TMC7: variants seen among roughly 807,000 people sequenced by gnomAD.
TMC7 encodes the protein transmembrane channel-like protein 7.
TMC7 carries 54 observed loss-of-function variants against 82.9 expected under a neutral mutation model. That is an observed-to-expected ratio of 0.65 (90% CI 0.52 to 0.82). TMC7 has a LOEUF of 0.82. Ranked by LOEUF, TMC7 falls within the 40% of genes least tolerant of loss-of-function variation. TMC7 has a pLI of 0.00. For missense variants in TMC7, 820 were observed against 901.2 expected (o/e 0.91, Z 1.15); for synonymous variants, 350 against 337.9 (o/e 1.04, Z -0.39).
intron 1 of TMC7, among the ~76,000 whole-genome samples, chr16:19,004,042 TAAAAA>T (rs35057088): frequency 1.2e-4 from 10 of 83,978 alleles, no homozygotes; most frequent in African/African-American, 4.3e-4. Flanking sequence ...AAAATAAATT[TAAAAA>T]AAAAAAAAAA....
chr16:19,057,958 T>C (rs1961843949), intron 14 of TMC7, among the ~76,000 whole-genome samples: 1 of 151,982 alleles, frequency 6.6e-6, no homozygotes, highest in African/African-American at 2.4e-5. Flanking sequence ...TTTTTTTTTT[T>C]TTTTAGGAGA....
At position 19,040,429 on chromosome 16, in the gene TMC7, C is replaced by T. The variant is rs751578885; in HGVS notation, c.1320C>T (p.Ile440=). 2 of 1,612,014 alleles carry T rather than the reference C, an allele frequency of 1.2e-6. No individual in the cohort carries two copies. The highest frequency in any genetic ancestry group is 2.2e-5 in the East Asian group (1 of 44,876). ...AGGATTATTCTCCAGGCTTTGAGAT[C>T]CGTCTGACAATCCTTAGGTAATGCC... ...RYEDYSPGFE[I]RLTILRCVFM... is the part of the protein sequence containing the mutation. The change falls in exon 9 of 16, where the codon ATC becomes ATT. Residue 440 remains isoleucine (I), a synonymous_variant. Coordinates refer to ENST00000304381, the MANE Select transcript of TMC7 (RefSeq NM_024847.4).
At chr16:18,987,777 G>A (rs1446827512) in intron 1 of TMC7, among the ~76,000 whole-genome samples, 2 of 152,104 alleles carry the variant, frequency 1.3e-5, no homozygotes, top group Non-Finnish European at 2.9e-5. Context: ...GTAACATAGT[G>A]GTTATAAAGC....
At chr16:19,005,877 G>T (rs145693767) in intron 1 of TMC7, among the ~76,000 whole-genome samples, 5 of 152,186 alleles carry the variant, frequency 3.3e-5, no homozygotes, top group Non-Finnish European at 5.9e-5. Context: ...AGGTAGAAGG[G>T]TGGGTGAGGC....
rs1181353217 is a variant in TMC7 at position 19,063,723 on chromosome 16, G to A, written c.*1880G>A. ...GATGAACACAACGAAAACGTACTGC[G>A]TTTTTTTTCCTATTATAAAAGTGAT... On this transcript the variant is annotated 3_prime_UTR_variant, in exon 16 of 16. Coordinates refer to ENST00000304381, the MANE Select transcript of TMC7 (RefSeq NM_024847.4). The A allele has an allele frequency of 1.3e-5, 2 of 150,966 alleles. No individual in the cohort carries two copies. Among genetic ancestry groups the A allele is most frequent in the Admixed American group, 6.6e-5 (1 of 15,066 alleles). The allele number at this position is 150,966 out of a possible 1,614,324, so 9.4% of individuals were successfully genotyped here. A position where few individuals can be genotyped will look rare whatever the true frequency, so the allele number is the denominator to read the frequency against.
At chr16:19,030,466 G>A in intron 6 of TMC7, 97 bp downstream of exon 6, 2 of 1,398,614 alleles carry the variant, frequency 1.4e-6, no homozygotes, top group East Asian at 2.4e-5. Context: ...AAGGATGAGT[G>A]GAGTCCAATG....
chr16:19,036,849 GAATCA>G (rs1960773315), intron 7 of TMC7, among the ~76,000 whole-genome samples: 1 of 152,140 alleles, frequency 6.6e-6, no homozygotes, highest in Non-Finnish European at 1.5e-5. Context: ...AAAATGGAAG[GAATCA>G]AATCAAATCT....
chr16:19,057,011 T>C (rs1961809001), intron 14 of TMC7, among the ~76,000 whole-genome samples: 1 of 152,008 alleles, frequency 6.6e-6, no homozygotes, highest in Non-Finnish European at 1.5e-5. Flanking sequence ...TGGTGGTGCA[T>C]GCCTGTAATG....
rs1959707929 is a variant in TMC7 at position 19,016,605 on chromosome 16, T to C, written c.460+7T>C. On this transcript the variant is annotated splice_region_variant and intron_variant, in intron 3 of 15. Transcript: ENST00000304381. ...GACATCCGCAGCATAGAAGGTATGCTGTCCTCACCTCTCTGCAGGCTCCTC... is the reference window on the plus strand; with the variant it reads ...GACATCCGCAGCATAGAAGGTATGCCGTCCTCACCTCTCTGCAGGCTCCTC... 10 of 1,612,682 alleles carry C rather than the reference T, an allele frequency of 6.2e-6. No individual in the cohort carries two copies. Among genetic ancestry groups the C allele is most frequent in the Non-Finnish European group, 8.5e-6 (10 of 1,179,754 alleles).
chr16:19,034,021 G>A (rs537112053), intron 6 of TMC7, among the ~76,000 whole-genome samples: 2 of 152,278 alleles, frequency 1.3e-5, no homozygotes, highest in South Asian at 2.1e-4. Flanking sequence ...TTTATACCAA[G>A]TGCCAGGTGT....
At chr16:19,016,625 C>T in intron 3 of TMC7, 27 bp downstream of exon 3, 1 of 1,607,944 alleles carries the variant, frequency 6.2e-7, no homozygotes, top group Non-Finnish European at 8.5e-7. Context: ...TCTCTGCAGG[C>T]TCCTCCGCAG....
At chr16:19,020,063 C>T (rs1310576722) in intron 3 of TMC7, among the ~76,000 whole-genome samples, 2 of 151,926 alleles carry the variant, frequency 1.3e-5, no homozygotes, top group African/African-American at 2.4e-5. Context: ...GCAAATCAAT[C>T]GATGTAATTC....
At chr16:19,001,633 T>C (rs2039142702) in intron 1 of TMC7, among the ~76,000 whole-genome samples, 1 of 152,070 alleles carries the variant, frequency 6.6e-6, no homozygotes, top group Admixed American at 6.6e-5. Context: ...CAGTGAGCTA[T>C]GATGGTACCA....
chr16:19,008,162 C>A (rs2039274326), intron 1 of TMC7, among the ~76,000 whole-genome samples: 1 of 152,144 alleles, frequency 6.6e-6, no homozygotes. Context: ...TGAGTCCTGT[C>A]TGTCTCCACT....
At chr16:19,027,966 C>G (rs1279323523) in intron 5 of TMC7, among the ~76,000 whole-genome samples, 2 of 151,958 alleles carry the variant, frequency 1.3e-5, no homozygotes, top group Non-Finnish European at 2.9e-5. Context: ...ACATTTAACC[C>G]CATGGTTTAC....
At chr16:19,005,692 C>T (rs1488991193) in intron 1 of TMC7, among the ~76,000 whole-genome samples, 1 of 152,118 alleles carries the variant, frequency 6.6e-6, no homozygotes, top group African/African-American at 2.4e-5. Flanking sequence ...ATTCAAAGAC[C>T]TTTGTTTGTG....
intron 9 of TMC7, among the ~76,000 whole-genome samples, chr16:19,044,371 G>A (rs964649365): frequency 4.0e-5 from 6 of 151,644 alleles, no homozygotes; most frequent in Non-Finnish European, 5.9e-5. Flanking sequence ...TTGTAGAGAC[G>A]GCCAGGGGGT....
intron 6 of TMC7, among the ~76,000 whole-genome samples, chr16:19,032,953 A>T (rs1208191572): frequency 1.3e-5 from 2 of 152,152 alleles, no homozygotes. Context: ...TTAGTTGCAC[A>T]GCGAATCTAC....
At chr16:19,045,161 G>C in intron 10 of TMC7, 160 bp downstream of exon 10, 1 of 837,454 alleles carries the variant, frequency 1.2e-6, no homozygotes. Context: ...TCTAACCCCA[G>C]GCACTTCTGA....
Sources: gnomAD v4.1 joint callset for allele counts (sites outside exome capture counted in the v4.1 genomes callset) on GRCh38, gnomAD v4.1.1 for gene constraint, MANE v1.5 for transcripts, NCBI Gene and HGNC (gene_info 2026-07-23, HGNC 2026-07-21) for gene names.